Variants in PACRG observed in about 807,000 individuals in gnomAD.
PACRG encodes the protein parkin coregulated gene protein.
In PACRG, 29 loss-of-function variants were observed where a neutral mutation model predicts 29.7. The ratio of observed to expected loss-of-function variants is 0.98; its 90% CI spans 0.73 to 1.33. The LOEUF is 1.33. Among genes scored for constraint, PACRG ranks in the 40% most tolerant of loss-of-function variants. PACRG has a pLI of 0.00. For synonymous variants in PACRG, 116 were observed against 118.7 expected, an observed-to-expected ratio of 0.98 and a Z score of 0.15; for missense variants, 279 against 316.2, an observed-to-expected ratio of 0.88 and a Z score of 0.89.
chr6:162,933,603 T>A (rs1462155212), intron 2 of PACRG, among the ~76,000 whole-genome samples: 5 of 37,092 alleles, frequency 1.3e-4, no homozygotes, highest in Non-Finnish European at 3.4e-4. Flanking sequence ...TTCTGTATCT[T>A]TTTTTTTTTT....
chr6:163,082,464 A>G (rs776452010), intron 3 of PACRG, among the ~76,000 whole-genome samples: 1 of 152,222 alleles, frequency 6.6e-6, no homozygotes, highest in Non-Finnish European at 1.5e-5. Context: ...ATTCTGATCT[A>G]TTAAAACACA....
chr6:163,097,570 G>A (rs1255152825), intron 4 of PACRG, among the ~76,000 whole-genome samples: 1 of 152,200 alleles, frequency 6.6e-6, no homozygotes, highest in Non-Finnish European at 1.5e-5. Flanking sequence ...TGTGCCTAAG[G>A]TGGTTGAGTT....
chr6:162,874,928 C>T (rs948875082), intron 2 of PACRG, among the ~76,000 whole-genome samples: 1 of 152,096 alleles, frequency 6.6e-6, no homozygotes, highest in Non-Finnish European at 1.5e-5. Flanking sequence ...TTCATATACA[C>T]ACACACATAC....
chr6:162,832,042 T>G lies in PACRG; in HGVS notation c.291+17761T>G, dbSNP rs372055804. Among the ~76,000 whole-genome samples, 71 of 152,330 alleles carry G rather than the reference T, an allele frequency of 4.7e-4. 2 individuals are homozygous for G. The South Asian group carries it at 0.015, about 31-fold the overall frequency. ...TATACCCAGGAATGGGATTGCTGGGTCAAATGTATGTCTGGCTCTAGGTCT... is the reference window on the plus strand; with the variant it reads ...TATACCCAGGAATGGGATTGCTGGGGCAAATGTATGTCTGGCTCTAGGTCT... On this transcript the variant is annotated intron_variant, in intron 2 of 4. Transcript: ENST00000366888.
At chr6:162,981,313 T>A (rs1220847483) in intron 2 of PACRG, among the ~76,000 whole-genome samples, 1 of 137,110 alleles carries the variant, frequency 7.3e-6, no homozygotes, top group Non-Finnish European at 1.5e-5. Context: ...ATATTTACAA[T>A]GGCAAAAATA....
chr6:162,945,565 C>T (rs182621609), intron 2 of PACRG, among the ~76,000 whole-genome samples: 22 of 152,100 alleles, frequency 1.4e-4, no homozygotes, highest in Admixed American at 1.4e-3. Flanking sequence ...GGTTTCAACA[C>T]CCCAGTCTCA....
chr6:162,947,595 C>CATATATATATATAATCAT (rs1799258642), intron 2 of PACRG, among the ~76,000 whole-genome samples: 16 of 27,984 alleles, frequency 5.7e-4, no homozygotes, highest in South Asian at 1.7e-3. Context: ...TATATATAAT[C>CATATATATATATAATCAT]ATATATATAT....
At chr6:162,957,502 AC>A in intron 2 of PACRG, 1 of 413,014 alleles carries the variant, frequency 2.4e-6, no homozygotes. Context: ...CAATTCTATT[AC>A]AAGGGGCTCG....
chr6:163,004,559 G>A (rs1050469477), intron 2 of PACRG, among the ~76,000 whole-genome samples: 2 of 151,444 alleles, frequency 1.3e-5, no homozygotes, highest in African/African-American at 4.9e-5. Context: ...CAGCATGGGG[G>A]AAACCACCCC....
At chr6:162,914,863 T>C (rs1796598282) in intron 2 of PACRG, among the ~76,000 whole-genome samples, 3 of 151,982 alleles carry the variant, frequency 2.0e-5, no homozygotes, top group Admixed American at 6.6e-5. Flanking sequence ...AGCTAGTATA[T>C]AAGAATATAA....
intron 3 of PACRG, among the ~76,000 whole-genome samples, chr6:163,073,847 A>G (rs1009925097): frequency 6.6e-6 from 1 of 152,256 alleles, no homozygotes; most frequent in Non-Finnish European, 1.5e-5. Flanking sequence ...GACATAATTG[A>G]TCATCAGAGA....
chr6:163,021,151 A>T (rs900422542), intron 2 of PACRG, among the ~76,000 whole-genome samples: 24 of 152,276 alleles, frequency 1.6e-4, no homozygotes, highest in Admixed American at 1.4e-3. Flanking sequence ...TCACACCTCC[A>T]GACACCTCCC....
chr6:162,825,917 G>T (rs1185366640), intron 2 of PACRG, among the ~76,000 whole-genome samples: 2 of 151,952 alleles, frequency 1.3e-5, no homozygotes, highest in Non-Finnish European at 2.9e-5. Flanking sequence ...TTACTTTTGA[G>T]AATGGCTATG....
intron 4 of PACRG, among the ~76,000 whole-genome samples, chr6:163,102,811 T>C (rs1177867118): frequency 8.1e-6 from 1 of 123,066 alleles, no homozygotes; most frequent in Non-Finnish European, 1.7e-5. Context: ...AGGTCTAGTC[T>C]TGTTCTAATC....
intron 4 of PACRG, among the ~76,000 whole-genome samples, chr6:163,259,574 G>A (rs1478664733): frequency 6.6e-6 from 1 of 152,064 alleles, no homozygotes; most frequent in Non-Finnish European, 1.5e-5. Flanking sequence ...GACCTCTTCG[G>A]CTCCACTGGT....
intron 4 of PACRG, among the ~76,000 whole-genome samples, chr6:163,215,212 A>G (rs1021839606): frequency 2.0e-5 from 3 of 152,140 alleles, no homozygotes; most frequent in Admixed American, 6.5e-5. Context: ...GAACTATTCT[A>G]TCATCTTTCA....
chr6:163,043,285 T>TAAACCC (rs1808935895), intron 2 of PACRG: 1 of 152,226 alleles, frequency 6.6e-6, no homozygotes, highest in Non-Finnish European at 1.5e-5. Context: ...CCAGACACAG[T>TAAACCC]GGCTCACGCC....
chr6:163,060,487 CAT>C (rs1210282918), intron 2 of PACRG, among the ~76,000 whole-genome samples: 3 of 151,962 alleles, frequency 2.0e-5, no homozygotes, highest in Non-Finnish European at 4.4e-5. Flanking sequence ...TGCTGAATAA[CAT>C]AAATTTTATA....
chr6:163,161,165 C>A (rs558907263), intron 4 of PACRG, among the ~76,000 whole-genome samples: 1 of 152,230 alleles, frequency 6.6e-6, no homozygotes. Context: ...CATTTCAATA[C>A]AATCCCATAG....
Sources: gnomAD v4.1 joint callset for allele counts (sites outside exome capture counted in the v4.1 genomes callset) on GRCh38, gnomAD v4.1.1 for gene constraint, MANE v1.5 for transcripts, NCBI Gene and HGNC (gene_info 2026-07-23, HGNC 2026-07-21) for gene names.